The following CRADD variants were observed in gnomAD, a reference collection of about 807,000 sequenced individuals.
CRADD encodes death domain-containing protein CRADD.
Under a neutral mutation model 15.5 loss-of-function variants are expected in CRADD, and 9 were observed. That is an observed-to-expected ratio of 0.58 (90% CI 0.35 to 1.01). The LOEUF (loss-of-function observed/expected upper bound fraction) is 1.01, where lower values mean the gene tolerates loss of function less well. Ranked by LOEUF, CRADD falls within the 50% of genes least tolerant of loss-of-function variation. The probability of loss-of-function intolerance (pLI) is 0.02; values close to 1 mark genes in which losing one functional copy is unlikely to be tolerated. For synonymous variants in CRADD, 118 were observed against 107.6 expected, an observed-to-expected ratio of 1.10 and a Z score of -0.60; for missense variants, 227 against 250.3, an observed-to-expected ratio of 0.91 and a Z score of 0.63.
At chr12:93,884,226 A>G (rs1375862441) in intron 2 of CRADD, among the ~76,000 whole-genome samples, 3 of 152,212 alleles carry the variant, frequency 2.0e-5, no homozygotes, top group Non-Finnish European at 4.4e-5. Context: ...TTGAGCCACC[A>G]TCCAATAACC....
rs150362173 is a variant in CRADD, at chr12:93,791,139, A to G, written c.299-58831A>G. On this transcript the variant is annotated intron_variant, in intron 2 of 2. Coordinates refer to ENST00000332896, the MANE Select transcript of CRADD (RefSeq NM_003805.5). ...TCTTCAAAAAACTAAAAATGGAACT[A>G]TCGTATGATCAAGCAATCTCACTAC... is the stretch of plus-strand genomic sequence containing the variant. 3.3e-3 allele frequency among the ~76,000 whole-genome samples: 503 copies of G among 152,290 alleles called. 3 individuals carry two copies. The highest frequency in any genetic ancestry group is 0.012 in the African/African-American group (483 of 41,552).
At chr12:93,741,473 A>C (rs552784344) in intron 2 of CRADD, among the ~76,000 whole-genome samples, 2 of 152,196 alleles carry the variant, frequency 1.3e-5, no homozygotes, top group African/African-American at 4.8e-5. Context: ...AGAAGATCCT[A>C]CTCCAGTAAA....
intron 2 of CRADD, among the ~76,000 whole-genome samples, chr12:93,806,653 C>T (rs1057075007): frequency 3.3e-5 from 5 of 151,944 alleles, no homozygotes; most frequent in African/African-American, 1.2e-4. Flanking sequence ...TGTGTACCAT[C>T]TCACTGTTTA....
intron 2 of CRADD, among the ~76,000 whole-genome samples, chr12:93,849,619 T>C (rs1958183272): frequency 6.6e-6 from 1 of 151,764 alleles, no homozygotes; most frequent in Non-Finnish European, 1.5e-5. Flanking sequence ...CAGTTGCCTG[T>C]AATCCCAGCT....
rs541534913 is a variant in CRADD, at chr12:93,813,816, G to A, written c.299-36154G>A. On this transcript the variant is annotated intron_variant, in intron 2 of 2. Transcript: ENST00000332896. ...ATGAGCTTAGAGCTGCCGAGGAAACGGAAAGAGTCTATAGGCTTTAAAAAA... is the reference window on the plus strand; with the variant it reads ...ATGAGCTTAGAGCTGCCGAGGAAACAGAAAGAGTCTATAGGCTTTAAAAAA... Among the ~76,000 whole-genome samples, 65 of 152,082 alleles carry A rather than the reference G, an allele frequency of 4.3e-4. No homozygotes were observed. The South Asian group carries it at 0.012, about 29-fold the overall frequency.
intron 2 of CRADD, among the ~76,000 whole-genome samples, chr12:93,883,199 A>G (rs960137182): frequency 1.3e-5 from 2 of 152,230 alleles, no homozygotes; most frequent in African/African-American, 4.8e-5. Flanking sequence ...AGGTTTGAAG[A>G]TAATACAAAA....
intron 2 of CRADD, among the ~76,000 whole-genome samples, chr12:93,774,862 G>A (rs1416097916): frequency 6.6e-6 from 1 of 152,166 alleles, no homozygotes; most frequent in Non-Finnish European, 1.5e-5. Context: ...ATTACTAAAT[G>A]AAATGAGGAG....
chr12:93,724,983 C>T (rs1163479629), intron 2 of CRADD, among the ~76,000 whole-genome samples: 1 of 152,074 alleles, frequency 6.6e-6, no homozygotes, highest in Admixed American at 6.6e-5. Context: ...GCCTCAGCCT[C>T]GCAAGTAGCT....
At chr12:93,841,873 C>T (rs2137041021) in intron 2 of CRADD, among the ~76,000 whole-genome samples, 1 of 152,270 alleles carries the variant, frequency 6.6e-6, no homozygotes, top group Non-Finnish European at 1.5e-5. Flanking sequence ...ATGACACTTA[C>T]ATCAGTAACA....
intron 2 of CRADD, among the ~76,000 whole-genome samples, chr12:93,799,260 C>G (rs555321742): frequency 2.6e-5 from 4 of 152,172 alleles, no homozygotes; most frequent in Non-Finnish European, 5.9e-5. Flanking sequence ...AGTCCTGCCT[C>G]TTGATTTTAC....
chr12:93,847,180 A>G (rs888204016), intron 2 of CRADD, among the ~76,000 whole-genome samples: 1 of 152,198 alleles, frequency 6.6e-6, no homozygotes, highest in Non-Finnish European at 1.5e-5. Flanking sequence ...CTAAAGTTTC[A>G]GTATTTAGAC....
At chr12:93,817,248 C>T (rs1957713226) in intron 2 of CRADD, among the ~76,000 whole-genome samples, 2 of 152,150 alleles carry the variant, frequency 1.3e-5, no homozygotes, top group African/African-American at 2.4e-5. Flanking sequence ...CAGGTCTCTC[C>T]CCAAGTGGCT....
intron 2 of CRADD, among the ~76,000 whole-genome samples, chr12:93,794,515 A>T (rs1007935509): frequency 1.3e-5 from 2 of 152,072 alleles, no homozygotes; most frequent in Non-Finnish European, 2.9e-5. Context: ...CCAGCCTATC[A>T]CTATGACCTA....
At chr12:93,855,333 A>T (rs1322761183), downstream of CRADD, among the ~76,000 whole-genome samples, 1 of 152,058 alleles carries the variant, frequency 6.6e-6, no homozygotes, top group East Asian at 1.9e-4. Context: ...GCAGCTTTGG[A>T]CAGAGCCTCA....
chr12:93,881,439 T>TGG (rs11331682), intron 2 of CRADD, among the ~76,000 whole-genome samples: 89 of 90,104 alleles, frequency 9.9e-4, no homozygotes, highest in East Asian at 4.8e-3. Flanking sequence ...AAAAAAAGTG[T>TGG]GGGGGGGGGG....
At position 93,850,173 on chromosome 12, in the gene CRADD, C is replaced by A. The variant is rs759706743; in HGVS notation, c.502C>A (p.Arg168=). The A allele has an allele frequency of 6.2e-7, 1 of 1,613,768 alleles. No homozygotes were observed. Among genetic ancestry groups the A allele is most frequent in the Admixed American group, 1.7e-5 (1 of 59,994 alleles). The part of the protein sequence containing the change: ...SQVVEAFIRW[R]QRFGKQATFQ... ...GGTGGTGGAGGCCTTCATCCGTTGG[C>A]GGCAGCGCTTCGGGAAGCAGGCCAC... The change falls in exon 3 of 3, where the codon CGG becomes AGG. Residue 168 remains arginine (R), a synonymous_variant. Coordinates refer to ENST00000332896, the MANE Select transcript of CRADD (RefSeq NM_003805.5). This position sits in a 1 kb window ranked among gnomAD's most constrained non-coding sequence, Gnocchi z 4.0.
intron 2 of CRADD, among the ~76,000 whole-genome samples, chr12:93,842,814 G>C (rs759005182): frequency 6.7e-6 from 1 of 150,292 alleles, no homozygotes; most frequent in African/African-American, 2.5e-5. Flanking sequence ...AAGTCAGGGC[G>C]GGGGTGGGGG....
intron 2 of CRADD, among the ~76,000 whole-genome samples, chr12:93,730,808 C>T (rs906832719): frequency 7.3e-5 from 11 of 151,500 alleles, no homozygotes; most frequent in African/African-American, 1.5e-4. Context: ...CTCCACCTCC[C>T]GGGTTCAAGC....
chr12:93,697,693 CTT>C (rs1955743958), intron 2 of CRADD, among the ~76,000 whole-genome samples: 1 of 152,154 alleles, frequency 6.6e-6, no homozygotes, highest in South Asian at 2.1e-4. Context: ...GGAAAAATCT[CTT>C]TTCCTCATTC....
Sources: allele counts gnomAD v4.1 joint callset (sites outside exome capture counted in the v4.1 genomes callset), GRCh38; gene constraint gnomAD v4.1.1; non-coding constraint Gnocchi (gnomAD v3.1); transcripts MANE v1.5; gene names NCBI Gene and HGNC (gene_info 2026-07-23, HGNC 2026-07-21).